CRAMP1: variants seen among roughly 807,000 people sequenced by gnomAD.
CRAMP1 encodes the protein cramped chromatin regulator 1.
In CRAMP1, 50 loss-of-function variants were observed where a neutral mutation model predicts 115.4. That is an observed-to-expected ratio of 0.43 (90% confidence interval 0.35 to 0.55). The LOEUF is 0.55. CRAMP1 is among the 20% of genes least tolerant of loss of function. The pLI, the probability that CRAMP1 is intolerant of heterozygous loss-of-function variation, is 0.01. For synonymous variants in CRAMP1, 866 were observed against 745.4 expected (o/e 1.16, Z -2.64); for missense variants, 1,679 against 1,721.7 (o/e 0.98, Z 0.44).
In CRAMP1 at chr16:1,614,828, C is replaced by T. The variant is rs1236932004; in HGVS notation, c.189C>T (p.Pro63=). Residue 63 remains proline (P), a synonymous_variant, in exon 2 of 21, where the codon CCC becomes CCT. Coordinates refer to ENST00000397412, the MANE Select transcript of CRAMP1 (RefSeq NM_020825.4). This position sits in a 1 kb window ranked among gnomAD's most constrained non-coding sequence, Gnocchi z 4.4. ...GCGCCGACGGCCCCCCCGCGCCCCC[C>T]GGCGCGCCGCAGGCGCCGTCCCCGC... ...RAGADGPPAP[P]GAPQAPSPPQ... 13 of 1,269,590 alleles carry T rather than the reference C, an allele frequency of 1.0e-5. 1 individual carries two copies. In the East Asian group the frequency reaches 1.9e-4, roughly 18 times the overall value. 78.6% of individuals were successfully genotyped at this position (1,269,590 alleles called of 1,614,324 possible). A position where few individuals can be genotyped will look rare whatever the true frequency, so the allele number is the denominator to read the frequency against.
At chr16:1,649,813 G>C (rs1360496753) in intron 6 of CRAMP1, among the ~76,000 whole-genome samples, 1 of 97,262 alleles carries the variant, frequency 1.0e-5, no homozygotes. Context: ...TTTTTTTTGA[G>C]ATGGAGTTTC....
chr16:1,673,894 A>G lies in CRAMP1; in HGVS notation c.3659A>G (p.Gln1220Arg). Residue 1220 changes from glutamine to arginine, a missense_variant, in exon 21 of 21, where the codon CAG becomes CGG. By Grantham distance (43) the Gln-to-Arg change is conservative. Transcript: ENST00000397412. ...LADVAEVVDS[Q>R]LVCMMNENSI... ...CTCTTCCTGCAGGTTGTGGATTCCCAGCTGGTGTGCATGATGAACGAAAAC... is the reference window on the plus strand; with the variant it reads ...CTCTTCCTGCAGGTTGTGGATTCCCGGCTGGTGTGCATGATGAACGAAAAC... 1 of 1,613,706 alleles carries G rather than the reference A, an allele frequency of 6.2e-7. No individual in the cohort carries two copies. Among genetic ancestry groups the G allele is most frequent in the Non-Finnish European group, 8.5e-7 (1 of 1,179,812 alleles).
intron 2 of CRAMP1, among the ~76,000 whole-genome samples, chr16:1,619,671 AT>A (rs2036450133): frequency 6.6e-6 from 1 of 152,122 alleles, no homozygotes; most frequent in East Asian, 1.9e-4. Flanking sequence ...TCTCTCAAAT[AT>A]TTGTAGGAGG....
rs1373282580 is a variant in CRAMP1 at position 1,674,405 on chromosome 16, T to C, written c.*360T>C. 1 of 263,582 alleles carries C rather than the reference T, an allele frequency of 3.8e-6. No individual in the cohort carries two copies. The highest frequency in any genetic ancestry group is 9.9e-5 in the East Asian group (1 of 10,126). The allele number at this position is 263,582 out of a possible 1,614,324, so 16.3% of individuals were successfully genotyped here. Reference sequence around the variant, plus strand: ...TCTGAGACAAGGGAGTATGTGTGCCTTGGTGTAGTTGCTGTGCACTAGGAG... The same window carrying C: ...TCTGAGACAAGGGAGTATGTGTGCCCTGGTGTAGTTGCTGTGCACTAGGAG... On this transcript the variant is annotated 3_prime_UTR_variant, in exon 21 of 21. Transcript: ENST00000397412.
chr16:1,642,372 G>A (rs948293565), intron 6 of CRAMP1, among the ~76,000 whole-genome samples: 18 of 152,212 alleles, frequency 1.2e-4, no homozygotes, highest in African/African-American at 4.3e-4. Flanking sequence ...TGATTCCCAG[G>A]CTGTGTGTGA....
In CRAMP1 at chr16:1,614,311, CCCGGGG is replaced by C. The variant is rs562220790; in HGVS notation, c.-1-304_-1-299del. 4.0e-4 allele frequency among the ~76,000 whole-genome samples: 58 copies of C among 144,264 alleles called. No individual in the cohort carries two copies. The highest frequency in any genetic ancestry group is 1.0e-3 in the East Asian group (5 of 4,768). 94.6% of individuals were successfully genotyped at this position (144,264 alleles called of 152,430 possible). A position where few individuals can be genotyped will look rare whatever the true frequency, so the allele number is the denominator to read the frequency against. On this transcript the variant is annotated intron_variant, in intron 1 of 20. Coordinates refer to ENST00000397412, the MANE Select transcript of CRAMP1 (RefSeq NM_020825.4). The surrounding 1 kb of genome is among the most constrained non-coding windows in gnomAD (Gnocchi z 4.4). ...CGCCCGCGCCGGGGCTCCCATAGAC[CCCGGGG>C]CCGGGGCCGGGGCCGGGGCCGGGCA...
rs1049827691 is a variant in CRAMP1 at position 1,677,019 on chromosome 16, C to T, written c.*2974C>T. ...GATCACAGCATTGAATTCAAAATTT[C>T]TTCTGCAAAGAAAGTTGTGGGGCAT... On this transcript the variant is annotated 3_prime_UTR_variant, in exon 21 of 21. Transcript: ENST00000397412. 3 of 152,512 alleles carry T rather than the reference C, an allele frequency of 2.0e-5. No homozygotes were observed. The highest frequency in any genetic ancestry group is 2.4e-5 in the African/African-American group (1 of 41,392). The allele number at this position is 152,512 out of a possible 1,614,324, so 9.4% of individuals were successfully genotyped here.
chr16:1,613,347 T>G (rs774986691), intron 1 of CRAMP1, among the ~76,000 whole-genome samples: 3 of 152,160 alleles, frequency 2.0e-5, no homozygotes, highest in Non-Finnish European at 2.9e-5. Flanking sequence ...GGGGCATCAT[T>G]GCGACTTTGA....
chr16:1,633,061 C>G (rs1567450350), intron 4 of CRAMP1, among the ~76,000 whole-genome samples: 1 of 152,224 alleles, frequency 6.6e-6, no homozygotes, highest in Non-Finnish European at 1.5e-5. Context: ...AGATGTACCC[C>G]CAGAGCACCC....
intron 4 of CRAMP1, among the ~76,000 whole-genome samples, chr16:1,636,365 C>CTT (rs2036588671): frequency 6.7e-6 from 1 of 150,268 alleles, no homozygotes; most frequent in African/African-American, 2.5e-5. Flanking sequence ...GAGCGAAACT[C>CTT]TGTCTCAAAA....
chr16:1,632,449 G>A (rs972352892), intron 4 of CRAMP1, 84 bp downstream of exon 4: 36 of 1,357,306 alleles, frequency 2.7e-5, no homozygotes, highest in Admixed American at 1.0e-4. Flanking sequence ...CAAGCCCGCC[G>A]GACCTGCTTT....
At chr16:1,612,725 G>A (rs1242607981) in intron 1 of CRAMP1, among the ~76,000 whole-genome samples, 68 bp downstream of exon 1, 2 of 152,004 alleles carry the variant, frequency 1.3e-5, no homozygotes, top group East Asian at 3.9e-4. Flanking sequence ...GGGCGGCGCG[G>A]GAGAGCGCGG....
intron 19 of CRAMP1, among the ~76,000 whole-genome samples, chr16:1,670,077 C>T (rs2036909241): frequency 6.6e-6 from 1 of 151,930 alleles, no homozygotes; most frequent in Non-Finnish European, 1.5e-5. Context: ...CCAGCCTTGG[C>T]AGCATAGAGA....
Position 1,656,106 on chromosome 16 carries a change from T to C in CRAMP1, c.1349T>C (p.Ile450Thr). 1.2e-6 allele frequency: 2 copies of C among 1,609,886 alleles called. No homozygotes were observed. Among genetic ancestry groups the C allele is most frequent in the South Asian group, 1.1e-5 (1 of 90,798 alleles). The change falls in exon 10 of 21, where the codon ATC becomes ACC. Residue 450 changes from isoleucine (I) to threonine (T), a missense_variant. Physicochemically the swap from Ile to Thr is moderately conservative, Grantham distance 89. This residue lies in a region of CRAMP1 where 191 missense variants were observed against 236.2 expected (regional missense o/e 0.81). Transcript: ENST00000397412. The surrounding 1 kb of genome is among the most constrained non-coding windows in gnomAD (Gnocchi z 5.6). ...HVLPPAQILG[I>T]QSGQGTARGQ... is the part of the protein sequence containing the mutation. ...CTGCCCCCAGCCCAGATCCTGGGCA[T>C]CCAGAGTGGGCAGGGCACGGCCCGG...
At chr16:1,617,655 A>C (rs568374127) in intron 2 of CRAMP1, among the ~76,000 whole-genome samples, 3 of 152,312 alleles carry the variant, frequency 2.0e-5, no homozygotes, top group East Asian at 3.9e-4. Flanking sequence ...TTTCAATCTC[A>C]GTGGGCCTGA....
chr16:1,637,549 G>A (rs537249788), intron 4 of CRAMP1, among the ~76,000 whole-genome samples: 1 of 152,224 alleles, frequency 6.6e-6, no homozygotes, highest in Non-Finnish European at 1.5e-5. Flanking sequence ...CAGCTGTTCT[G>A]AGTGTTGTGT....
chr16:1,618,577 G>C (rs2036440241), intron 2 of CRAMP1, among the ~76,000 whole-genome samples: 1 of 152,214 alleles, frequency 6.6e-6, no homozygotes, highest in South Asian at 2.1e-4. Context: ...ATCAAGGATG[G>C]GGAAATGCAC....
chr16:1,656,454 A>G lies in CRAMP1; in HGVS notation c.1697A>G (p.Lys566Arg). ...SLLDPLPRYL[K>R]SCQDLIVPEQ... ...CTAGACCCCTTGCCCCGCTACCTAAAGTCCTGTCAGGACCTCATTGTCCCC... is the reference window on the plus strand; with the variant it reads ...CTAGACCCCTTGCCCCGCTACCTAAGGTCCTGTCAGGACCTCATTGTCCCC... Residue 566 changes from lysine to arginine, a missense_variant, in exon 10 of 21, where the codon AAG becomes AGG. Lys to Arg is a conservative substitution (Grantham distance 26, BLOSUM62 2). Transcript: ENST00000397412. This position sits in a 1 kb window ranked among gnomAD's most constrained non-coding sequence, Gnocchi z 5.6. The G allele has an allele frequency of 2.5e-6, 4 of 1,582,354 alleles. No individual in the cohort carries two copies. In the South Asian group the frequency reaches 4.6e-5, roughly 18 times the overall value.
chr16:1,662,820 G>T lies in CRAMP1; in HGVS notation c.2655G>T (p.Lys885Asn). ...PRKLRNRHLR[K>N]PLVVQRTLLP... ...AGCTGCGGAACCGGCACCTGCGGAA[G>T]CCACTGGTGGTCCAGGTCAGGGTCT... Residue 885 changes from lysine (K) to asparagine (N), a missense_variant, in exon 13 of 21, where the codon AAG (lysine) becomes AAT (asparagine). Coordinates refer to ENST00000397412, the MANE Select transcript of CRAMP1 (RefSeq NM_020825.4). 6.2e-7 allele frequency: 1 copy of T among 1,613,762 alleles called. No individual in the cohort carries two copies. Among genetic ancestry groups the T allele is most frequent in the Non-Finnish European group, 8.5e-7 (1 of 1,179,830 alleles).
Sources: gnomAD v4.1 joint callset for allele counts (sites outside exome capture counted in the v4.1 genomes callset) on GRCh38, gnomAD v4.1.1 for gene constraint, gnomAD v4.1.1 regional missense constraint, Gnocchi (gnomAD v3.1) non-coding constraint, MANE v1.5 for transcripts, NCBI Gene and HGNC (gene_info 2026-07-23, HGNC 2026-07-21) for gene names.